AHRR: variants seen among roughly 807,000 people sequenced by gnomAD.
AHRR encodes the protein ahR repressor.
Under a neutral mutation model 44.0 loss-of-function variants are expected in AHRR, and 28 were observed. The ratio of observed to expected loss-of-function variants is 0.64; its 90% CI spans 0.47 to 0.87. The LOEUF is 0.87. Ranked by LOEUF, AHRR falls within the 40% of genes least tolerant of loss-of-function variation. AHRR has a pLI of 0.00. For missense variants in AHRR, 990 were observed against 953.9 expected (o/e 1.04, Z -0.50); for synonymous variants, 434 against 407.0 (o/e 1.07, Z -0.80).
At chr5:333,043 C>G (rs1741986551) in intron 1 of AHRR, among the ~76,000 whole-genome samples, 1 of 151,076 alleles carries the variant, frequency 6.6e-6, no homozygotes, top group Non-Finnish European at 1.5e-5. Context: ...TTTCCCCACC[C>G]CACCCCCCGC....
intron 4 of AHRR, among the ~76,000 whole-genome samples, chr5:398,236 T>TTAGCCCCTGACCATCCACG (rs1734845654): frequency 8.0e-6 from 1 of 124,302 alleles, no homozygotes; most frequent in African/African-American, 3.3e-5. Context: ...ACCATCCATG[T>TTAGCCCCTGACCATCCACG]TAGCCCCTGA....
chr5:324,005 C>CTATT, intron 1 of AHRR, among the ~76,000 whole-genome samples: 1 of 116,066 alleles, frequency 8.6e-6, no homozygotes, highest in Non-Finnish European at 1.8e-5. Context: ...TTCTTTTTTT[C>CTATT]TCTTTCTTTC....
At chr5:397,150 C>A (rs1355665684) in intron 4 of AHRR, among the ~76,000 whole-genome samples, 5 of 132,308 alleles carry the variant, frequency 3.8e-5, no homozygotes, top group Non-Finnish European at 6.7e-5. Context: ...CCATGTTAGC[C>A]CCTGACCATC....
At chr5:323,954 C>T (rs1741600492) in intron 1 of AHRR, among the ~76,000 whole-genome samples, 1 of 151,578 alleles carries the variant, frequency 6.6e-6, no homozygotes, top group Non-Finnish European at 1.5e-5. Flanking sequence ...AAACACCTTG[C>T]CTAGCTCGCT....
rs929290255 is a variant in AHRR, at chr5:370,892, C to A, written c.245-5718C>A. 2.0e-5 allele frequency among the ~76,000 whole-genome samples: 3 copies of A among 152,046 alleles called. No individual in the cohort carries two copies. The highest frequency in any genetic ancestry group is 4.4e-5 in the Non-Finnish European group (3 of 67,994). On this transcript the variant is annotated intron_variant, in intron 3 of 10. Coordinates refer to ENST00000684583, the MANE Select transcript of AHRR (RefSeq NM_001377236.1). This position sits in a 1 kb window ranked among gnomAD's most constrained non-coding sequence, Gnocchi z 4.5. ...CACAGAGGCTGGGCCTGGTGTGGAG[C>A]TCTCGGCCGACCTCGGGCCGGGCTT... is the stretch of plus-strand genomic sequence containing the variant.
In AHRR at chr5:383,289, G is replaced by A. The variant is rs540620957; in HGVS notation, c.351+6573G>A. Among the ~76,000 whole-genome samples, 10 of 152,286 alleles carry A rather than the reference G, an allele frequency of 6.6e-5. No individual in the cohort carries two copies. Among genetic ancestry groups the A allele is most frequent in the African/African-American group, 2.2e-4 (9 of 41,570 alleles). On this transcript the variant is annotated intron_variant, in intron 4 of 10. Transcript: ENST00000684583. The surrounding 1 kb of genome is among the most constrained non-coding windows in gnomAD (Gnocchi z 4.0). ...ATATCCAGTTGACTTGTTGTGTTCA[G>A]GTTATTCTTGATTTCCTATCTAGTC...
chr5:374,753 G>C (rs892194631), intron 3 of AHRR, among the ~76,000 whole-genome samples: 2 of 152,228 alleles, frequency 1.3e-5, no homozygotes, highest in Non-Finnish European at 2.9e-5. Context: ...CGCCCCCCAC[G>C]GACACCTTAG....
At chr5:399,048 G>A (rs937122225) in intron 4 of AHRR, among the ~76,000 whole-genome samples, 7 of 152,236 alleles carry the variant, frequency 4.6e-5, no homozygotes, top group African/African-American at 1.4e-4. Flanking sequence ...GTTTCCTACC[G>A]GGTGGTTCTT....
chr5:335,246 G>A (rs1742078251), intron 1 of AHRR, among the ~76,000 whole-genome samples: 1 of 152,124 alleles, frequency 6.6e-6, no homozygotes, highest in African/African-American at 2.4e-5. Flanking sequence ...CTAGTTTTTG[G>A]GCAGCCAGAG....
intron 1 of AHRR, among the ~76,000 whole-genome samples, chr5:330,869 ATT>A (rs34221385): frequency 0.034 from 3,336 of 97,270 alleles, 28 homozygotes; most frequent in Non-Finnish European, 0.04. Context: ...ATAATTCAGC[ATT>A]TTTTTTTTTT....
rs1737070233 is a variant in AHRR at position 436,424 on chromosome 5, G to A, written c.*1590G>A. The A allele has an allele frequency of 6.6e-6, 1 of 152,400 alleles. No individual in the cohort carries two copies. Among genetic ancestry groups the A allele is most frequent in the Non-Finnish European group, 1.5e-5 (1 of 68,072 alleles). The allele number at this position is 152,400 out of a possible 1,614,324, so 9.4% of individuals were successfully genotyped here. ...CGCACCTTCACTTTGTCAAAACCCA[G>A]GTTTGGTTGGCAGGACTGGGTCTTC... is the stretch of plus-strand genomic sequence containing the variant. On this transcript the variant is annotated 3_prime_UTR_variant, in exon 11 of 11. Transcript: ENST00000684583.
intron 3 of AHRR, among the ~76,000 whole-genome samples, chr5:369,860 CTCATCCAGT>C (rs1430356749): frequency 1.3e-5 from 2 of 152,256 alleles, no homozygotes; most frequent in African/African-American, 4.8e-5. Flanking sequence ...AAAACGGTTT[CTCATCCAGT>C]TCTTGAGAAG....
intron 2 of AHRR, among the ~76,000 whole-genome samples, chr5:353,065 G>A (rs896487546): frequency 1.3e-5 from 2 of 152,106 alleles, no homozygotes; most frequent in Non-Finnish European, 2.9e-5. Flanking sequence ...CCCACAGGTG[G>A]CCCCTTTTTG....
rs867405431 is a variant in AHRR at position 432,713 on chromosome 5, G to A, written c.971-93G>A. On this transcript the variant is annotated intron_variant, in intron 9 of 10. Transcript: ENST00000684583. ...CTGGTCTGTGCATTTCTGAGGAGCC[G>A]ATGGGTCCTGCCTTGCTGAGAACAA... The A allele has an allele frequency of 2.9e-5, 46 of 1,594,910 alleles. No individual in the cohort carries two copies. The South Asian group carries it at 3.0e-4, about 10-fold the overall frequency.
At chr5:398,202 T>C (rs142746266) in intron 4 of AHRR, among the ~76,000 whole-genome samples, 1,473 of 49,664 alleles carry the variant, frequency 0.03, 47 homozygotes, top group African/African-American at 0.077. Context: ...TCCACGTAGC[T>C]CCTGACCATC....
chr5:384,200 A>C (rs1734086425), intron 4 of AHRR, among the ~76,000 whole-genome samples: 1 of 152,048 alleles, frequency 6.6e-6, no homozygotes, highest in African/African-American at 2.4e-5. Flanking sequence ...TGATTATGGG[A>C]ATATGTATTG....
intron 3 of AHRR, among the ~76,000 whole-genome samples, chr5:361,277 G>A (rs1190199346): frequency 6.6e-6 from 1 of 152,178 alleles, no homozygotes; most frequent in Non-Finnish European, 1.5e-5. Flanking sequence ...ACTTGCACGT[G>A]GTGAAACAGC....
At chr5:432,079 C>T (rs1210908569) in intron 8 of AHRR, 1 of 255,586 alleles carries the variant, frequency 3.9e-6, no homozygotes, top group African/African-American at 2.3e-5. Context: ...AGTTGGTCTC[C>T]AACTCACCTC....
chr5:381,625 C>T (rs1157476239), intron 4 of AHRR, among the ~76,000 whole-genome samples: 5 of 139,222 alleles, frequency 3.6e-5, no homozygotes, highest in Non-Finnish European at 7.6e-5. Flanking sequence ...AAGCAATTCT[C>T]TGCCTCAGCC....
Sources: gnomAD v4.1 joint callset for allele counts (sites outside exome capture counted in the v4.1 genomes callset) on GRCh38, gnomAD v4.1.1 for gene constraint, Gnocchi (gnomAD v3.1) non-coding constraint, MANE v1.5 for transcripts, NCBI Gene and HGNC (gene_info 2026-07-23, HGNC 2026-07-21) for gene names.